Variants in GRIK2 observed in about 807,000 individuals in gnomAD.
GRIK2 encodes glutamate ionotropic receptor kainate type subunit 2.
GRIK2 carries 32 observed loss-of-function variants against 100.3 expected under a neutral mutation model. That is an observed-to-expected ratio of 0.32 (90% confidence interval 0.24 to 0.43). The LOEUF is 0.43. GRIK2 is among the 20% of genes least tolerant of loss of function. The probability of loss-of-function intolerance (pLI) is 1.00; values close to 1 mark genes in which losing one functional copy is unlikely to be tolerated. For missense variants in GRIK2, 843 were observed against 1,114.9 expected (o/e 0.76, Z 3.47); for synonymous variants, 417 against 389.4 (o/e 1.07, Z -0.83).
chr6:101,841,403 G>T (rs1362940859), intron 10 of GRIK2, among the ~76,000 whole-genome samples: 3 of 148,640 alleles, frequency 2.0e-5, no homozygotes, highest in African/African-American at 7.6e-5. Flanking sequence ...TCTCTCTGTT[G>T]CCCAGGCTAG....
chr6:101,570,099 T>C (rs1258934734), intron 2 of GRIK2, among the ~76,000 whole-genome samples: 1 of 152,054 alleles, frequency 6.6e-6, no homozygotes, highest in East Asian at 1.9e-4. Flanking sequence ...GTAGTTGATA[T>C]TAGTGCAGTG....
At chr6:101,454,529 C>G (rs1251695758) in intron 2 of GRIK2, among the ~76,000 whole-genome samples, 5 of 152,128 alleles carry the variant, frequency 3.3e-5, no homozygotes, top group Non-Finnish European at 7.4e-5. Flanking sequence ...TTATGCCCTT[C>G]AGTTAAATGC....
intron 4 of GRIK2, among the ~76,000 whole-genome samples, chr6:101,653,167 G>A (rs1361861538): frequency 6.6e-6 from 1 of 152,088 alleles, no homozygotes; most frequent in African/African-American, 2.4e-5. Flanking sequence ...GTTACAGAGT[G>A]GACTCTCTCT....
intron 11 of GRIK2, among the ~76,000 whole-genome samples, chr6:101,872,183 T>C (rs1463635538): frequency 1.3e-5 from 2 of 151,988 alleles, no homozygotes; most frequent in Admixed American, 6.6e-5. Context: ...TTCTTATTCA[T>C]GGTTTGACCT....
chr6:101,566,900 A>G (rs890414794), intron 2 of GRIK2, among the ~76,000 whole-genome samples: 4 of 150,592 alleles, frequency 2.7e-5, no homozygotes, highest in Non-Finnish European at 5.9e-5. Flanking sequence ...GTATACATAT[A>G]TACATGTCTA....
At chr6:101,564,431 A>G (rs1010909093) in intron 2 of GRIK2, among the ~76,000 whole-genome samples, 1 of 152,188 alleles carries the variant, frequency 6.6e-6, no homozygotes, top group Non-Finnish European at 1.5e-5. Flanking sequence ...AGAAAGAATA[A>G]CTGAGTGTAA....
chr6:101,680,042 A>G (rs1771130243), intron 5 of GRIK2, among the ~76,000 whole-genome samples: 1 of 152,082 alleles, frequency 6.6e-6, no homozygotes, highest in African/African-American at 2.4e-5. Flanking sequence ...CTGGCCTCCC[A>G]GCGTTTTCTA....
chr6:101,606,563 AAGTTCAGTT>A (rs1325774374), intron 2 of GRIK2, among the ~76,000 whole-genome samples: 1 of 152,020 alleles, frequency 6.6e-6, no homozygotes, highest in Non-Finnish European at 1.5e-5. Flanking sequence ...AACTTGCTTA[AAGTTCAGTT>A]GGCTAATAAT....
Position 101,682,590 on chromosome 6 carries a change from A to G in GRIK2, c.761A>G (p.Tyr254Cys), listed in dbSNP as rs1201113612. The change falls in exon 6 of 17, where the codon TAT becomes TGT. Residue 254 changes from tyrosine to cysteine, a missense_variant. Physicochemically the swap from Tyr to Cys is radical, Grantham distance 194 (BLOSUM62 -2). This residue lies in a region of GRIK2 where 519 missense variants were observed against 643.8 expected (regional missense o/e 0.81). Coordinates refer to ENST00000369134, the MANE Select transcript of GRIK2 (RefSeq NM_021956.5). ...GGAATGATGACAGAATACTATCATT[A>G]TATCTTTACCACTCTGGTAAGTACT... ...AMGMMTEYYH[Y>C]IFTTLDLFAL... 7.6e-7 allele frequency: 1 copy of G among 1,315,972 alleles called. No homozygotes were observed. The highest frequency in any genetic ancestry group is 1.1e-6 in the Non-Finnish European group (1 of 918,080). The allele number at this position is 1,315,972 out of a possible 1,614,324, so 81.5% of individuals were successfully genotyped here.
chr6:102,003,620 C>T (rs1795059289), intron 14 of GRIK2, among the ~76,000 whole-genome samples: 1 of 151,710 alleles, frequency 6.6e-6, no homozygotes, highest in Non-Finnish European at 1.5e-5. Context: ...TTAACAAAAG[C>T]TGTCCTTGCA....
chr6:101,611,827 C>T (rs1002067424), intron 2 of GRIK2, among the ~76,000 whole-genome samples: 1 of 151,796 alleles, frequency 6.6e-6, no homozygotes. Context: ...CCACGGGTCA[C>T]ATGTATATAT....
At chr6:101,907,217 A>C (rs1340288) in intron 12 of GRIK2, among the ~76,000 whole-genome samples, 129,953 of 151,546 alleles carry the variant, frequency 0.86, 56,492 homozygotes, top group East Asian at 0.94. Flanking sequence ...TAAGTTCTTG[A>C]AAAACTTTTA....
At chr6:101,964,593 G>A (rs1266739717) in intron 14 of GRIK2, among the ~76,000 whole-genome samples, 3 of 152,122 alleles carry the variant, frequency 2.0e-5, no homozygotes, top group Admixed American at 2.0e-4. Flanking sequence ...GTTTATATTG[G>A]AAGATGCCCT....
At chr6:101,643,789 C>T (rs775229839) in intron 4 of GRIK2, among the ~76,000 whole-genome samples, 46 of 151,806 alleles carry the variant, frequency 3.0e-4, no homozygotes, top group Non-Finnish European at 5.2e-4. Context: ...ATAGAGAGTA[C>T]ATTAAATCTA....
At chr6:101,544,473 T>C (rs781595547) in intron 2 of GRIK2, among the ~76,000 whole-genome samples, 8 of 152,156 alleles carry the variant, frequency 5.3e-5, no homozygotes, top group African/African-American at 1.4e-4. Context: ...CCTGGAAGTG[T>C]GTGAGTGACT....
At chr6:101,841,125 C>A (rs1432499954) in intron 10 of GRIK2, among the ~76,000 whole-genome samples, 1 of 152,126 alleles carries the variant, frequency 6.6e-6, no homozygotes, top group Non-Finnish European at 1.5e-5. Flanking sequence ...CAAAACAGTA[C>A]CTTCAAAGTG....
chr6:101,455,004 C>G (rs569602248), intron 2 of GRIK2, among the ~76,000 whole-genome samples: 10 of 151,974 alleles, frequency 6.6e-5, no homozygotes, highest in Non-Finnish European at 1.5e-4. Flanking sequence ...ATTTTACCAG[C>G]AGTTTGAAAT....
chr6:102,018,584 G>T (rs1769256060), intron 14 of GRIK2, among the ~76,000 whole-genome samples: 1 of 152,044 alleles, frequency 6.6e-6, no homozygotes, highest in Non-Finnish European at 1.5e-5. Context: ...TTCCACCTCA[G>T]TGTTACTTGT....
intron 11 of GRIK2, among the ~76,000 whole-genome samples, chr6:101,867,776 T>A (rs537691673): frequency 6.6e-6 from 1 of 151,400 alleles, no homozygotes; most frequent in African/African-American, 2.4e-5. Context: ...TTTTTAAATT[T>A]AAATTTTTTT....
Sources: gnomAD v4.1 joint callset for allele counts (sites outside exome capture counted in the v4.1 genomes callset) on GRCh38, gnomAD v4.1.1 for gene constraint, gnomAD v4.1.1 regional missense constraint, MANE v1.5 for transcripts, NCBI Gene and HGNC (gene_info 2026-07-23, HGNC 2026-07-21) for gene names.